The following NEXMIF variants were observed in gnomAD, a reference collection of about 807,000 sequenced individuals.
The protein encoded by NEXMIF is neurite extension and migration factor, also known as XLMR protein related to neurite extension.
NEXMIF carries 8 observed loss-of-function variants against 62.1 expected under a neutral mutation model. The ratio of observed to expected loss-of-function variants is 0.13; its 90% CI spans 0.08 to 0.23. NEXMIF has a LOEUF of 0.23. NEXMIF is among the 10% of genes least tolerant of loss of function. NEXMIF has a pLI of 1.00. For synonymous variants in NEXMIF, 404 were observed against 416.6 expected (o/e 0.97, Z 0.37); for missense variants, 976 against 1,113.3 (o/e 0.88, Z 1.75).
intron 1 of NEXMIF, among the ~76,000 whole-genome samples, chrX:74,778,086 A>G (rs1213122019): frequency 8.9e-6 from 1 of 111,735 alleles, no homozygotes; most frequent in African/African-American, 3.3e-5. Context: ...ACCAACTTAT[A>G]AAGACTGTGC....
chrX:74,828,873 A>G (rs955454098), intron 1 of NEXMIF, among the ~76,000 whole-genome samples: 1 of 111,937 alleles, frequency 8.9e-6, no homozygotes, highest in African/African-American at 3.2e-5. Flanking sequence ...ATCAGCAGTC[A>G]ACAAACCTTA....
At chrX:74,919,663 T>C (rs2080819692) in intron 1 of NEXMIF, among the ~76,000 whole-genome samples, 1 of 110,846 alleles carries the variant, frequency 9.0e-6, no homozygotes, top group Admixed American at 9.6e-5. Flanking sequence ...TTAGGGTACA[T>C]GTGCACAATG....
chrX:74,834,412 C>T (rs1305606235), intron 1 of NEXMIF, among the ~76,000 whole-genome samples: 5 of 111,394 alleles, frequency 4.5e-5, no homozygotes, highest in African/African-American at 1.6e-4. Context: ...TTTGTACCTT[C>T]AGACAACTTC....
At chrX:74,868,535 C>A (rs972807881) in intron 1 of NEXMIF, among the ~76,000 whole-genome samples, 2 of 104,548 alleles carry the variant, frequency 1.9e-5, no homozygotes, top group South Asian at 8.7e-4. Context: ...AACAGAAAAC[C>A]AAGCATCACA....
chrX:74,763,385 T>G (rs1426504788), intron 1 of NEXMIF, among the ~76,000 whole-genome samples: 1 of 111,978 alleles, frequency 8.9e-6, no homozygotes, highest in East Asian at 2.8e-4. Flanking sequence ...TAGTATAGTT[T>G]GAAGTCAGGT....
intron 1 of NEXMIF, among the ~76,000 whole-genome samples, chrX:74,834,103 C>T (rs1162414164): frequency 2.1e-5 from 2 of 97,385 alleles, no homozygotes; most frequent in South Asian, 5.1e-4. Flanking sequence ...CATTGCACTC[C>T]AGCCTGGGCA....
chrX:74,917,259 A>G (rs2080810518), intron 1 of NEXMIF, among the ~76,000 whole-genome samples: 1 of 111,053 alleles, frequency 9.0e-6, no homozygotes, highest in Non-Finnish European at 1.9e-5. Context: ...AGTGTGTAGC[A>G]CCACCTCCTT....
At chrX:74,842,612 CT>C (rs2080477618) in intron 1 of NEXMIF, among the ~76,000 whole-genome samples, 1 of 111,623 alleles carries the variant, frequency 9.0e-6, no homozygotes, top group African/African-American at 3.3e-5. Context: ...GCATTTAGTG[CT>C]ATTAGTTTCC....
At chrX:74,804,967 C>T (rs926726185) in intron 1 of NEXMIF, among the ~76,000 whole-genome samples, 2 of 111,899 alleles carry the variant, frequency 1.8e-5, no homozygotes, top group African/African-American at 6.5e-5. Flanking sequence ...TTAAATACTC[C>T]CTCTGTGGGT....
At chrX:74,902,185 C>G (rs2080751353) in intron 1 of NEXMIF, among the ~76,000 whole-genome samples, 1 of 109,930 alleles carries the variant, frequency 9.1e-6, no homozygotes, top group Admixed American at 9.9e-5. Flanking sequence ...ATGGGATCCT[C>G]AAACCATTTT....
intron 1 of NEXMIF, among the ~76,000 whole-genome samples, chrX:74,852,157 AAGGGTAGCT>A (rs1445824051): frequency 8.9e-6 from 1 of 111,926 alleles, no homozygotes; most frequent in East Asian, 2.8e-4. Flanking sequence ...AAAAATGAGC[AAGGGTAGCT>A]ATGTTTAAAT....
At chrX:74,827,193 G>A (rs1403871020) in intron 1 of NEXMIF, among the ~76,000 whole-genome samples, 3 of 112,594 alleles carry the variant, frequency 2.7e-5, no homozygotes, top group Non-Finnish European at 5.6e-5. Flanking sequence ...GTAAATACTA[G>A]TTTGCATATT....
intron 1 of NEXMIF, among the ~76,000 whole-genome samples, chrX:74,917,585 C>A (rs192277947): frequency 1.8e-5 from 2 of 111,358 alleles, no homozygotes; most frequent in Admixed American, 1.9e-4. Context: ...TACATTAACT[C>A]TCTCCAAGAT....
intron 1 of NEXMIF, among the ~76,000 whole-genome samples, chrX:74,837,439 A>G (rs1468453126): frequency 9.0e-6 from 1 of 111,536 alleles, no homozygotes; most frequent in Admixed American, 9.5e-5. Context: ...TCTTCCTTAC[A>G]CTAACCAGAT....
At chrX:74,801,777 C>G (rs776009421) in intron 1 of NEXMIF, among the ~76,000 whole-genome samples, 13 of 112,579 alleles carry the variant, frequency 1.2e-4, no homozygotes, top group African/African-American at 3.5e-4. Context: ...CAATTACAGG[C>G]TCTGGCTCTT....
intron 1 of NEXMIF, among the ~76,000 whole-genome samples, chrX:74,810,323 A>T (rs1423044580): frequency 8.9e-6 from 1 of 111,972 alleles, no homozygotes. Flanking sequence ...AGTAACATAC[A>T]ACATTGGTAT....
chrX:74,754,533 T>C (rs931993540), intron 1 of NEXMIF, among the ~76,000 whole-genome samples: 16 of 108,825 alleles, frequency 1.5e-4, no homozygotes, highest in Admixed American at 2.0e-4. Context: ...GGTCTTGAAC[T>C]CCTGACCTTG....
chrX:74,907,296 CAG>C (rs2080772055), intron 1 of NEXMIF, among the ~76,000 whole-genome samples: 1 of 106,162 alleles, frequency 9.4e-6, no homozygotes, highest in Non-Finnish European at 1.9e-5. Flanking sequence ...TTAAATGAAA[CAG>C]ATAAGTAAAG....
At chrX:74,813,787 G>A (rs1410943296) in intron 1 of NEXMIF, among the ~76,000 whole-genome samples, 10 of 112,086 alleles carry the variant, frequency 8.9e-5, no homozygotes, top group Non-Finnish European at 1.9e-4. Context: ...TACTCATGTA[G>A]TATATATTAA....
Sources: allele counts gnomAD v4.1 joint callset (sites outside exome capture counted in the v4.1 genomes callset), GRCh38; gene constraint gnomAD v4.1.1; transcripts MANE v1.5; gene names NCBI Gene and HGNC (gene_info 2026-07-23, HGNC 2026-07-21).